The following PCDH10 variants were observed in gnomAD, a reference collection of about 807,000 sequenced individuals.
PCDH10 encodes the protein protocadherin-10.
In PCDH10, 15 loss-of-function variants were observed where a neutral mutation model predicts 74.4. The ratio of observed to expected loss-of-function variants is 0.20; its 90% confidence interval spans 0.13 to 0.31. PCDH10 has a LOEUF of 0.31. Among genes scored for constraint, PCDH10 ranks in the 10% least tolerant of loss-of-function variants. The probability of loss-of-function intolerance (pLI) is 1.00; values close to 1 mark genes in which losing one functional copy is unlikely to be tolerated. For synonymous variants in PCDH10, 619 were observed against 589.8 expected, an observed-to-expected ratio of 1.05 and a Z score of -0.72; for missense variants, 1,260 against 1,390.2, an observed-to-expected ratio of 0.91 and a Z score of 1.49.
intron 3 of PCDH10, among the ~76,000 whole-genome samples, chr4:133,158,007 G>A (rs184168895): frequency 6.6e-6 from 1 of 151,966 alleles, no homozygotes; most frequent in Non-Finnish European, 1.5e-5. Flanking sequence ...TCTTTCTATA[G>A]CCTTGTCAAG....
intron 4 of PCDH10, among the ~76,000 whole-genome samples, chr4:133,181,622 G>A (rs911539250): frequency 2.6e-4 from 40 of 152,072 alleles, no homozygotes; most frequent in African/African-American, 8.7e-4. Context: ...TTATCAGAAC[G>A]TGTAGTCTTG....
At chr4:133,186,727 T>C (rs1727547703) in intron 4 of PCDH10, among the ~76,000 whole-genome samples, 1 of 152,074 alleles carries the variant, frequency 6.6e-6, no homozygotes, top group Non-Finnish European at 1.5e-5. Flanking sequence ...TAGGTTTTGT[T>C]TGTTTTTTGA....
chr4:133,206,879 C>T (rs564235155), intron 2 of PCDH10, among the ~76,000 whole-genome samples: 4 of 152,010 alleles, frequency 2.6e-5, no homozygotes, highest in Admixed American at 6.6e-5. Context: ...GTGGGATTCT[C>T]TTCAGTAGAT....
intron 2 of PCDH10, among the ~76,000 whole-genome samples, chr4:133,202,347 C>A (rs966839227): frequency 6.6e-6 from 1 of 152,098 alleles, no homozygotes; most frequent in Non-Finnish European, 1.5e-5. Flanking sequence ...TGGCATTATG[C>A]CTCTTAATTA....
At chr4:133,203,076 A>G (rs1215555832) in intron 2 of PCDH10, among the ~76,000 whole-genome samples, 1 of 152,114 alleles carries the variant, frequency 6.6e-6, no homozygotes, top group Non-Finnish European at 1.5e-5. Context: ...CTTGGTATGG[A>G]GGATCAGAAG....
intron 3 of PCDH10, among the ~76,000 whole-genome samples, chr4:133,155,782 A>C (rs571663341): frequency 1.1e-3 from 164 of 152,280 alleles, no homozygotes; most frequent in African/African-American, 3.8e-3. Flanking sequence ...GTCAAGTTTT[A>C]TGAGATCCTG....
intron 4 of PCDH10, among the ~76,000 whole-genome samples, chr4:133,166,343 C>A (rs1318309753): frequency 6.6e-6 from 1 of 151,238 alleles, no homozygotes; most frequent in Non-Finnish European, 1.5e-5. Flanking sequence ...TTAATAATTG[C>A]CTACAGCACT....
intron 3 of PCDH10, among the ~76,000 whole-genome samples, chr4:133,159,144 C>T (rs978255673): frequency 1.5e-4 from 23 of 151,870 alleles, no homozygotes; most frequent in African/African-American, 4.3e-4. Flanking sequence ...AAAAAATAAA[C>T]GCTTTGAATG....
chr4:133,164,225 T>G (rs2125863667), intron 4 of PCDH10, among the ~76,000 whole-genome samples: 1 of 152,108 alleles, frequency 6.6e-6, no homozygotes, highest in South Asian at 2.1e-4. Context: ...AGACAGGAAA[T>G]ATTGAGATGT....
chr4:133,187,465 G>A (rs912105603), intron 4 of PCDH10, among the ~76,000 whole-genome samples: 1 of 152,010 alleles, frequency 6.6e-6, no homozygotes, highest in Non-Finnish European at 1.5e-5. Flanking sequence ...CTTCATAAAT[G>A]TAAGATTAGC....
At position 133,152,230 on chromosome 4, in the gene PCDH10, G is replaced by A. The variant is rs374974622; in HGVS notation, c.2090G>A (p.Gly697Glu). Residue 697 changes from glycine to glutamate, a missense_variant, in exon 1 of 5, where the codon GGA (glycine) becomes GAA (glutamate). Physicochemically the swap from Gly to Glu is moderately conservative, Grantham distance 98. Coordinates refer to ENST00000264360, the MANE Select transcript of PCDH10 (RefSeq NM_032961.3). The stretch of plus-strand genomic sequence containing the variant: ...GGCGGGAGCGGAGGCGGAGGGTCAG[G>A]AGAGCACCAGCGCCCCAGTCGCTCT... ...GGGGSGGGGS[G>E]EHQRPSRSGG... The A allele has an allele frequency of 1.7e-5, 27 of 1,606,530 alleles. No homozygotes were observed. The highest frequency in any genetic ancestry group is 2.2e-5 in the Non-Finnish European group (26 of 1,176,440).
intron 3 of PCDH10, among the ~76,000 whole-genome samples, chr4:133,155,256 C>T (rs575854944): frequency 9.2e-5 from 14 of 152,150 alleles, no homozygotes; most frequent in Admixed American, 3.3e-4. Context: ...TGTCAGAATA[C>T]GAAATATATC....
chr4:133,151,712 C>T lies in PCDH10; in HGVS notation c.1572C>T (p.Tyr524=). ...TTTCTATCAACTCTGAGAACGGCTA[C>T]TTGTACGCCCTGCGCTCCTTCGACT... is the stretch of plus-strand genomic sequence containing the variant. ...TYVSINSENG[Y]LYALRSFDYE... is the part of the protein sequence containing the mutation. The change falls in exon 1 of 5, where the codon TAC becomes TAT. Residue 524 remains tyrosine (Y), a synonymous_variant. Transcript: ENST00000264360. 1 of 1,613,282 alleles carries T rather than the reference C, an allele frequency of 6.2e-7. No individual in the cohort carries two copies. Among genetic ancestry groups the T allele is most frequent in the Non-Finnish European group, 8.5e-7 (1 of 1,180,056 alleles).
At chr4:133,179,701 T>G in intron 4 of PCDH10, among the ~76,000 whole-genome samples, 1 of 152,134 alleles carries the variant, frequency 6.6e-6, no homozygotes, top group Admixed American at 6.6e-5. Context: ...TTTAGAATAT[T>G]TTGTGAAACA....
chr4:133,187,448 G>T (rs978656535), intron 4 of PCDH10, among the ~76,000 whole-genome samples: 4 of 152,048 alleles, frequency 2.6e-5, no homozygotes, highest in African/African-American at 7.2e-5. Flanking sequence ...GACACTGAGG[G>T]ATAACTCTTC....
chr4:133,199,159 G>C (rs1353613591), downstream of PCDH10, among the ~76,000 whole-genome samples: 1 of 151,436 alleles, frequency 6.6e-6, no homozygotes, highest in East Asian at 1.9e-4. Flanking sequence ...GTAGTGGCCC[G>C]CACCTGTAGT....
At chr4:133,176,747 T>C (rs1727304151) in intron 4 of PCDH10, among the ~76,000 whole-genome samples, 1 of 152,156 alleles carries the variant, frequency 6.6e-6, no homozygotes, top group Non-Finnish European at 1.5e-5. Context: ...GCTTTGTTTG[T>C]TTCATGTGTT....
At chr4:133,169,041 G>T (rs1727146274) in intron 4 of PCDH10, among the ~76,000 whole-genome samples, 1 of 151,438 alleles carries the variant, frequency 6.6e-6, no homozygotes, top group South Asian at 2.1e-4. Flanking sequence ...AATTTCTTTT[G>T]ATTTGTTCTA....
intron 4 of PCDH10, among the ~76,000 whole-genome samples, chr4:133,173,738 T>C (rs2125867386): frequency 6.6e-6 from 1 of 152,016 alleles, no homozygotes; most frequent in East Asian, 1.9e-4. Flanking sequence ...AAGTCTTTTT[T>C]TTTTTTGTCA....
Sources: allele counts gnomAD v4.1 joint callset (sites outside exome capture counted in the v4.1 genomes callset), GRCh38; gene constraint gnomAD v4.1.1; transcripts MANE v1.5; gene names NCBI Gene and HGNC (gene_info 2026-07-23, HGNC 2026-07-21).